PCDH11X: variants seen among roughly 807,000 people sequenced by gnomAD.
PCDH11X encodes the protein protocadherin 11 X-linked.
A neutral mutation model predicts 53.3 loss-of-function variants in PCDH11X; 18 were observed. That is an observed-to-expected ratio of 0.34 (90% CI 0.23 to 0.50). PCDH11X has a LOEUF of 0.50. Among genes scored for constraint, PCDH11X ranks in the 20% least tolerant of loss-of-function variants. The probability of loss-of-function intolerance (pLI) is 0.98; values close to 1 mark genes in which losing one functional copy is unlikely to be tolerated. For missense variants in PCDH11X, 570 were observed against 1,032.4 expected, an observed-to-expected ratio of 0.55 and a Z score of 6.14; for synonymous variants, 279 against 393.3, an observed-to-expected ratio of 0.71 and a Z score of 3.44.
chrX:92,261,908 C>A (rs1163671670), intron 7 of PCDH11X, among the ~76,000 whole-genome samples: 1 of 111,378 alleles, frequency 9.0e-6, no homozygotes, highest in African/African-American at 3.3e-5. Context: ...AAATTAAATT[C>A]TATCATTGAG....
intron 10 of PCDH11X, among the ~76,000 whole-genome samples, chrX:92,548,966 G>T (rs1179146844): frequency 9.4e-6 from 1 of 106,610 alleles, no homozygotes; most frequent in African/African-American, 3.4e-5. Context: ...CAGTGCAAGT[G>T]TCATTTATTG....
chrX:92,055,907 C>A (rs952980879), intron 6 of PCDH11X, among the ~76,000 whole-genome samples: 4 of 110,871 alleles, frequency 3.6e-5, no homozygotes, highest in African/African-American at 1.3e-4. Context: ...GCATAGTATT[C>A]CATGGTATAT....
At chrX:91,919,615 G>A (rs1425837970) in intron 6 of PCDH11X, among the ~76,000 whole-genome samples, 1 of 110,753 alleles carries the variant, frequency 9.0e-6, no homozygotes, top group Non-Finnish European at 1.9e-5. Context: ...AAAGAGTGAC[G>A]GGGAAAAAGA....
intron 6 of PCDH11X, among the ~76,000 whole-genome samples, chrX:91,968,938 T>C (rs1359503427): frequency 2.7e-5 from 3 of 111,624 alleles, no homozygotes; most frequent in Non-Finnish European, 3.8e-5. Context: ...AGGCACGTCT[T>C]AATTTCTCTT....
intron 5 of PCDH11X, among the ~76,000 whole-genome samples, chrX:91,865,670 T>A (rs1043645630): frequency 1.8e-5 from 2 of 112,030 alleles, no homozygotes; most frequent in African/African-American, 6.5e-5. Context: ...GAAGTCTCCC[T>A]GCTGTTCTAT....
chrX:92,582,482 T>C (rs1219512704), intron 10 of PCDH11X, among the ~76,000 whole-genome samples: 1 of 109,303 alleles, frequency 9.1e-6, no homozygotes, highest in Non-Finnish European at 1.9e-5. Context: ...AAGTCAAGAA[T>C]TGAGGTTTTG....
intron 10 of PCDH11X, among the ~76,000 whole-genome samples, chrX:92,537,864 T>C (rs920120627): frequency 9.1e-5 from 10 of 110,198 alleles, no homozygotes; most frequent in Non-Finnish European, 1.5e-4. Context: ...GTAAATTTAC[T>C]AAATTTGTTC....
At chrX:92,233,674 A>C (rs1316604638) in intron 7 of PCDH11X, among the ~76,000 whole-genome samples, 1 of 111,963 alleles carries the variant, frequency 8.9e-6, no homozygotes, top group South Asian at 3.7e-4. Context: ...CCTGGAGCCA[A>C]CATAGTGAAG....
intron 5 of PCDH11X, among the ~76,000 whole-genome samples, chrX:91,867,184 T>C (rs1359551599): frequency 8.9e-6 from 1 of 111,750 alleles, no homozygotes; most frequent in Non-Finnish European, 1.9e-5. Flanking sequence ...GATGCCCTGA[T>C]TAAAGTGTGT....
At chrX:92,327,085 A>G (rs1406396646) in intron 8 of PCDH11X, among the ~76,000 whole-genome samples, 5 of 108,934 alleles carry the variant, frequency 4.6e-5, no homozygotes, top group Admixed American at 2.0e-4. Context: ...GTAAAAATAA[A>G]GAGATTAATA....
intron 10 of PCDH11X, among the ~76,000 whole-genome samples, chrX:92,530,955 T>C (rs1347244157): frequency 2.7e-5 from 3 of 109,219 alleles, no homozygotes; most frequent in Non-Finnish European, 5.7e-5. Flanking sequence ...TTCTTAATCC[T>C]CATGTTAATG....
chrX:92,286,979 G>C lies in PCDH11X; in HGVS notation c.3144+23836G>C, dbSNP rs745346115. Among the ~76,000 whole-genome samples the C allele has an allele frequency of 8.9e-3, 932 of 104,958 alleles. 8 individuals are homozygous for C. The highest frequency in any genetic ancestry group is 0.031 in the African/African-American group (882 of 28,818). 91.1% of individuals were successfully genotyped at this position (104,958 alleles called of 115,157 possible). ...CATGTATCTAAAAATGATTTAAACA[G>C]TGCCTGGAACATATTGGTGCCATGC... On this transcript the variant is annotated intron_variant, in intron 8 of 10. Transcript: ENST00000682573.
chrX:91,910,698 T>C (rs752217352), intron 6 of PCDH11X, among the ~76,000 whole-genome samples: 15 of 111,558 alleles, frequency 1.3e-4, no homozygotes, highest in South Asian at 3.7e-4. Context: ...GGAAAGATTT[T>C]TATATCAGAT....
chrX:92,348,558 C>T (rs1465459636), intron 8 of PCDH11X, among the ~76,000 whole-genome samples: 27 of 105,346 alleles, frequency 2.6e-4, no homozygotes, highest in African/African-American at 4.6e-4. Context: ...ATTTTTGAGA[C>T]GGAGTTTCGC....
chrX:92,519,289 C>T (rs1228775308), intron 10 of PCDH11X, among the ~76,000 whole-genome samples: 2 of 106,437 alleles, frequency 1.9e-5, no homozygotes, highest in African/African-American at 6.7e-5. Flanking sequence ...TAATTGAAGC[C>T]AAACTTGTAT....
chrX:92,168,388 A>G (rs1473123531), intron 6 of PCDH11X, among the ~76,000 whole-genome samples: 1 of 111,024 alleles, frequency 9.0e-6, no homozygotes, highest in African/African-American at 3.3e-5. Flanking sequence ...GTGAGACCTC[A>G]GCTCTACAAA....
At chrX:92,454,576 A>G (rs1336418713) in intron 9 of PCDH11X, among the ~76,000 whole-genome samples, 3 of 105,313 alleles carry the variant, frequency 2.8e-5, no homozygotes, top group Non-Finnish European at 5.9e-5. Context: ...ATTGGTGAAG[A>G]ATTCATGGCT....
At chrX:92,101,255 G>GT (rs1207089466) in intron 6 of PCDH11X, among the ~76,000 whole-genome samples, 1 of 110,828 alleles carries the variant, frequency 9.0e-6, no homozygotes, top group South Asian at 3.9e-4. Context: ...GGGATGACAA[G>GT]TTTTTTTTGG....
intron 6 of PCDH11X, among the ~76,000 whole-genome samples, chrX:92,029,232 A>T (rs1231863101): frequency 9.0e-6 from 1 of 111,375 alleles, no homozygotes; most frequent in East Asian, 2.8e-4. Flanking sequence ...CTGATGGCAA[A>T]GTTTTCGAAG....
Sources: gnomAD v4.1 joint callset for allele counts (sites outside exome capture counted in the v4.1 genomes callset) on GRCh38, gnomAD v4.1.1 for gene constraint, MANE v1.5 for transcripts, NCBI Gene and HGNC (gene_info 2026-07-23, HGNC 2026-07-21) for gene names.